WWOX: variants seen among roughly 807,000 people sequenced by gnomAD.
The protein encoded by WWOX is WW domain containing oxidoreductase.
In WWOX, 69 loss-of-function variants were observed where a neutral mutation model predicts 46.2. The observed-to-expected ratio is 1.49, with a 90% CI of 1.23 to 1.82. The LOEUF is 1.82. Ranked by LOEUF, WWOX falls within the 40% of genes most tolerant of loss-of-function variation. The probability of loss-of-function intolerance (pLI) is 0.00; values close to 1 mark genes in which losing one functional copy is unlikely to be tolerated. For synonymous variants in WWOX, 359 were observed against 202.6 expected, an observed-to-expected ratio of 1.77 and a Z score of -6.56; for missense variants, 919 against 542.6, an observed-to-expected ratio of 1.69 and a Z score of -6.89.
At chr16:78,693,700 A>G (rs553496210) in intron 8 of WWOX, among the ~76,000 whole-genome samples, 1 of 152,254 alleles carries the variant, frequency 6.6e-6, no homozygotes, top group Admixed American at 6.5e-5. Flanking sequence ...CAGGTGTGCT[A>G]CTAATCGCCC....
Position 78,567,470 on chromosome 16 carries a change from A to G in WWOX, c.1056+134718A>G, listed in dbSNP as rs553802711. 2.0e-5 allele frequency among the ~76,000 whole-genome samples: 3 copies of G among 146,786 alleles called. No homozygotes were observed. The East Asian group carries it at 6.2e-4, about 30-fold the overall frequency. On this transcript the variant is annotated intron_variant, in intron 8 of 8. Coordinates refer to ENST00000566780, the MANE Select transcript of WWOX (RefSeq NM_016373.4). ...CCGGAGGCTGAGACAGGAGAATGTCATGAACCCGGGAGGCGGAGCTTGCAG... is the reference window on the plus strand; with the variant it reads ...CCGGAGGCTGAGACAGGAGAATGTCGTGAACCCGGGAGGCGGAGCTTGCAG...
At chr16:79,130,759 G>C (rs1468744593) in intron 8 of WWOX, among the ~76,000 whole-genome samples, 3 of 152,214 alleles carry the variant, frequency 2.0e-5, no homozygotes, top group Non-Finnish European at 4.4e-5. Flanking sequence ...ATGTATTACA[G>C]ATGCAGAGTC....
intron 8 of WWOX, among the ~76,000 whole-genome samples, chr16:78,628,833 C>T (rs1017223623): frequency 6.6e-6 from 1 of 152,182 alleles, no homozygotes; most frequent in Non-Finnish European, 1.5e-5. Flanking sequence ...TCCCTTCCAG[C>T]TGGTTTCGTG....
At chr16:78,221,652 C>G (rs2036891956) in intron 5 of WWOX, among the ~76,000 whole-genome samples, 1 of 152,104 alleles carries the variant, frequency 6.6e-6, no homozygotes, top group Non-Finnish European at 1.5e-5. Context: ...GTATCTGGAA[C>G]CGAGGTTGCT....
intron 8 of WWOX, among the ~76,000 whole-genome samples, chr16:78,967,077 A>T (rs758170067): frequency 1.3e-5 from 2 of 152,128 alleles, no homozygotes; most frequent in Non-Finnish European, 2.9e-5. Flanking sequence ...TTTCTCTTCT[A>T]GAACTTTCCC....
At chr16:78,643,032 T>A (rs1362428742) in intron 8 of WWOX, among the ~76,000 whole-genome samples, 1 of 152,146 alleles carries the variant, frequency 6.6e-6, no homozygotes, top group East Asian at 1.9e-4. Flanking sequence ...AAAGTAAATG[T>A]TAGTGCTACT....
intron 5 of WWOX, among the ~76,000 whole-genome samples, chr16:78,346,945 C>T (rs1414541823): frequency 1.7e-5 from 2 of 118,718 alleles, no homozygotes; most frequent in South Asian, 2.6e-4. Flanking sequence ...AGGCTGGTTT[C>T]AACTCCTGAC....
intron 8 of WWOX, among the ~76,000 whole-genome samples, chr16:78,909,999 C>G (rs145530166): frequency 2.3e-3 from 354 of 152,312 alleles, no homozygotes; most frequent in African/African-American, 7.9e-3. Flanking sequence ...GATTTAAGAT[C>G]AAATTTTTGC....
intron 8 of WWOX, among the ~76,000 whole-genome samples, chr16:78,573,881 T>C (rs1194991612): frequency 6.6e-6 from 1 of 152,220 alleles, no homozygotes; most frequent in Non-Finnish European, 1.5e-5. Context: ...ACATTTATTA[T>C]TTCATGGTTT....
intron 8 of WWOX, among the ~76,000 whole-genome samples, chr16:79,167,340 A>C (rs2050614795): frequency 6.6e-6 from 1 of 152,228 alleles, no homozygotes; most frequent in Non-Finnish European, 1.5e-5. Context: ...CTGAGTGGTG[A>C]GTATAAGTGT....
intron 8 of WWOX, among the ~76,000 whole-genome samples, chr16:78,462,550 T>C (rs1255769772): frequency 6.6e-6 from 1 of 152,210 alleles, no homozygotes; most frequent in Non-Finnish European, 1.5e-5. Flanking sequence ...CTCTTCAGTG[T>C]CTGCAAATGA....
At chr16:79,035,859 T>C (rs143756060) in intron 8 of WWOX, among the ~76,000 whole-genome samples, 1 of 152,326 alleles carries the variant, frequency 6.6e-6, no homozygotes, top group African/African-American at 2.4e-5. Flanking sequence ...CCTCCCAAAG[T>C]GATGGGATTA....
intron 8 of WWOX, among the ~76,000 whole-genome samples, chr16:78,502,071 A>T (rs748552395): frequency 4.6e-5 from 7 of 152,158 alleles, no homozygotes; most frequent in Non-Finnish European, 1.0e-4. Flanking sequence ...CTGGATGCTA[A>T]TGCTATTCTC....
chr16:78,762,792 C>T (rs909158518), intron 8 of WWOX, among the ~76,000 whole-genome samples: 20 of 152,286 alleles, frequency 1.3e-4, no homozygotes, highest in East Asian at 7.7e-4. Flanking sequence ...ACCTCTCTGG[C>T]CTCAGTATCT....
chr16:78,483,192 C>A (rs1329471364), intron 8 of WWOX, among the ~76,000 whole-genome samples: 1 of 152,032 alleles, frequency 6.6e-6, no homozygotes, highest in East Asian at 1.9e-4. Flanking sequence ...GTAAAAGATA[C>A]TTTTACCTTT....
intron 8 of WWOX, among the ~76,000 whole-genome samples, chr16:79,093,950 T>G (rs752954379): frequency 2.6e-5 from 4 of 152,278 alleles, no homozygotes; most frequent in East Asian, 3.9e-4. Context: ...GAGCCTTCTA[T>G]CACTTAGTAC....
chr16:78,144,340 T>G (rs1171793070), intron 4 of WWOX, among the ~76,000 whole-genome samples: 2 of 148,100 alleles, frequency 1.4e-5, no homozygotes, highest in African/African-American at 5.0e-5. Context: ...ATGGAGAGCC[T>G]TTTAGCTAAT....
chr16:78,329,750 CTTT>C (rs1020813386), intron 5 of WWOX, among the ~76,000 whole-genome samples: 2 of 142,898 alleles, frequency 1.4e-5, no homozygotes, highest in Non-Finnish European at 1.5e-5. Flanking sequence ...CTTTTTCTTT[CTTT>C]TTTTTTTTTT....
chr16:79,026,224 C>A (rs889346154), intron 8 of WWOX, among the ~76,000 whole-genome samples: 1 of 151,772 alleles, frequency 6.6e-6, no homozygotes, highest in African/African-American at 2.4e-5. Flanking sequence ...CTTTTCAGCC[C>A]TGTTGACACT....
Sources: gnomAD v4.1 joint callset for allele counts (sites outside exome capture counted in the v4.1 genomes callset) on GRCh38, gnomAD v4.1.1 for gene constraint, MANE v1.5 for transcripts, NCBI Gene and HGNC (gene_info 2026-07-23, HGNC 2026-07-21) for gene names.